CACNA1E: variants seen among roughly 807,000 people sequenced by gnomAD.
CACNA1E encodes the protein voltage-dependent R-type calcium channel subunit alpha-1E.
CACNA1E carries 40 observed loss-of-function variants against 259.2 expected under a neutral mutation model. That is an observed-to-expected ratio of 0.15 (90% CI 0.12 to 0.20). CACNA1E has a LOEUF of 0.20. Among genes scored for constraint, CACNA1E ranks in the 10% least tolerant of loss-of-function variants. CACNA1E has a pLI of 1.00. For synonymous variants in CACNA1E, 1,104 were observed against 1,138.5 expected (o/e 0.97, Z 0.61); for missense variants, 1,874 against 3,040.1 (o/e 0.62, Z 9.02).
At chr1:181,694,930 A>C (rs947463412) in intron 7 of CACNA1E, among the ~76,000 whole-genome samples, 3 of 152,226 alleles carry the variant, frequency 2.0e-5, no homozygotes, top group African/African-American at 7.2e-5. Context: ...GGAAAAAATA[A>C]AAACCAATTT....
chr1:181,748,474 T>C (rs1362977165), intron 25 of CACNA1E, among the ~76,000 whole-genome samples: 1 of 152,184 alleles, frequency 6.6e-6, no homozygotes, highest in East Asian at 1.9e-4. Flanking sequence ...CGCATGTCTA[T>C]GAGCATGACC....
intron 1 of CACNA1E, among the ~76,000 whole-genome samples, chr1:181,340,588 TTAAA>T (rs1274953800): frequency 2.0e-5 from 3 of 152,216 alleles, no homozygotes; most frequent in Non-Finnish European, 4.4e-5. Context: ...TTTTGTGTCT[TTAAA>T]TAGTATTTAA....
At chr1:181,517,892 T>C (rs922756306) in intron 3 of CACNA1E, among the ~76,000 whole-genome samples, 3 of 152,076 alleles carry the variant, frequency 2.0e-5, no homozygotes, top group Non-Finnish European at 4.4e-5. Context: ...AGGCTGAGAA[T>C]GTGGGGGAAG....
At chr1:181,586,637 G>A (rs554162121) in intron 6 of CACNA1E, among the ~76,000 whole-genome samples, 2 of 152,276 alleles carry the variant, frequency 1.3e-5, no homozygotes, top group South Asian at 4.2e-4. Flanking sequence ...CCTATCATAT[G>A]ATTATTCAGT....
At chr1:181,556,100 C>T (rs963130683) in intron 3 of CACNA1E, among the ~76,000 whole-genome samples, 2 of 152,204 alleles carry the variant, frequency 1.3e-5, no homozygotes, top group African/African-American at 2.4e-5. Context: ...TCCTCCTTCA[C>T]TGGAGGATAC....
chr1:181,425,151 A>T lies in CACNA1E; in HGVS notation c.434+11571A>T, dbSNP rs11803220. ...GGTTGTTTCTGTGTATTGCAGCCGCAGTCTCACTGGGATGCTTTCCGCTGT... is the reference window on the plus strand; with the variant it reads ...GGTTGTTTCTGTGTATTGCAGCCGCTGTCTCACTGGGATGCTTTCCGCTGT... On this transcript the variant is annotated intron_variant, in intron 2 of 11. Coordinates refer to the CACNA1E transcript ENST00000524607. Among the ~76,000 whole-genome samples, 165 of 152,092 alleles carry T rather than the reference A, an allele frequency of 1.1e-3. 1 individual carries two copies. The highest frequency in any genetic ancestry group is 3.8e-3 in the African/African-American group (159 of 41,500).
chr1:181,555,309 G>A (rs1177138775), intron 3 of CACNA1E, among the ~76,000 whole-genome samples: 1 of 152,190 alleles, frequency 6.6e-6, no homozygotes, highest in Non-Finnish European at 1.5e-5. Flanking sequence ...AAACAGAATT[G>A]CAGACTCCAG....
intron 6 of CACNA1E, among the ~76,000 whole-genome samples, chr1:181,606,849 C>T (rs1455547103): frequency 6.6e-6 from 1 of 152,186 alleles, no homozygotes; most frequent in East Asian, 1.9e-4. Context: ...GCGGCCCCTC[C>T]CATTTGGGCT....
intron 2 of CACNA1E, among the ~76,000 whole-genome samples, chr1:181,472,679 C>T (rs780057592): frequency 1.5e-4 from 23 of 152,116 alleles, no homozygotes; most frequent in Non-Finnish European, 2.5e-4. Flanking sequence ...TCTTTCAGCC[C>T]CAGTGAGCTG....
At chr1:181,675,506 G>C (rs1344480521) in intron 7 of CACNA1E, among the ~76,000 whole-genome samples, 1 of 152,108 alleles carries the variant, frequency 6.6e-6, no homozygotes, top group Non-Finnish European at 1.5e-5. Flanking sequence ...GAAGGGGATG[G>C]GGAAGGAGAG....
chr1:181,630,924 C>T (rs1656670497), intron 6 of CACNA1E, among the ~76,000 whole-genome samples: 1 of 152,092 alleles, frequency 6.6e-6, no homozygotes, highest in African/African-American at 2.4e-5. Flanking sequence ...TGCTTACCTC[C>T]CAAGTGTTGT....
chr1:181,657,783 G>A (rs183780830), intron 7 of CACNA1E, among the ~76,000 whole-genome samples: 12 of 152,220 alleles, frequency 7.9e-5, no homozygotes, highest in African/African-American at 2.4e-4. Context: ...TGAAGACATC[G>A]TAAAGAAGAA....
At chr1:181,537,691 T>A (rs560448528) in intron 3 of CACNA1E, among the ~76,000 whole-genome samples, 1 of 152,288 alleles carries the variant, frequency 6.6e-6, no homozygotes, top group South Asian at 2.1e-4. Context: ...AGGGTGGTAG[T>A]GGTGATTCTC....
upstream of CACNA1E, among the ~76,000 whole-genome samples, chr1:181,479,243 G>GT (rs1199392363): frequency 1.3e-5 from 2 of 152,240 alleles, no homozygotes; most frequent in Admixed American, 6.5e-5. Context: ...GTAGAGGGCT[G>GT]TTGACAAGAG....
chr1:181,441,487 G>GT (rs1291136153), intron 2 of CACNA1E, among the ~76,000 whole-genome samples: 1 of 151,264 alleles, frequency 6.6e-6, no homozygotes, highest in African/African-American at 2.4e-5. Flanking sequence ...TGCCAAGAAA[G>GT]TGCTACTGGA....
chr1:181,685,434 A>G (rs1234919306), intron 7 of CACNA1E, among the ~76,000 whole-genome samples: 1 of 152,152 alleles, frequency 6.6e-6, no homozygotes, highest in African/African-American at 2.4e-5. Flanking sequence ...ATCTTCTGCC[A>G]GTAACAGTTT....
intron 2 of CACNA1E, among the ~76,000 whole-genome samples, chr1:181,475,824 T>C (rs893315154): frequency 1.3e-5 from 2 of 152,172 alleles, no homozygotes; most frequent in African/African-American, 4.8e-5. Context: ...ACAATCCATA[T>C]GCAGCTACCC....
At chr1:181,716,191 C>CT in intron 10 of CACNA1E, 62 bp downstream of exon 10, 1 of 1,081,522 alleles carries the variant, frequency 9.2e-7, no homozygotes, top group East Asian at 2.7e-5. Context: ...AAGATCCTGT[C>CT]TTTTGAGAAG....
chr1:181,707,319 A>G (rs1209291218), intron 7 of CACNA1E, among the ~76,000 whole-genome samples: 1 of 152,134 alleles, frequency 6.6e-6, no homozygotes, highest in African/African-American at 2.4e-5. Context: ...GGCTTGGCCA[A>G]ATTGGTTGGG....
Sources: gnomAD v4.1 joint callset for allele counts (sites outside exome capture counted in the v4.1 genomes callset) on GRCh38, gnomAD v4.1.1 for gene constraint, MANE v1.5 for transcripts, NCBI Gene and HGNC (gene_info 2026-07-23, HGNC 2026-07-21) for gene names.